The following MYO1D variants were observed in gnomAD, a reference collection of about 807,000 sequenced individuals.
MYO1D encodes unconventional myosin-Id.
Under a neutral mutation model 122.0 loss-of-function variants are expected in MYO1D, and 83 were observed. The ratio of observed to expected loss-of-function variants is 0.68; its 90% confidence interval spans 0.57 to 0.82. The LOEUF is 0.82. MYO1D is among the 40% of genes least tolerant of loss of function. The pLI is 0.00. For synonymous variants in MYO1D, 464 were observed against 446.9 expected, an observed-to-expected ratio of 1.04 and a Z score of -0.48; for missense variants, 1,157 against 1,269.5, an observed-to-expected ratio of 0.91 and a Z score of 1.35.
At chr17:32,869,982 AACC>A (rs2091165005) in intron 1 of MYO1D, among the ~76,000 whole-genome samples, 1 of 152,142 alleles carries the variant, frequency 6.6e-6, no homozygotes, top group Non-Finnish European at 1.5e-5. Context: ...CAATGAAATG[AACC>A]AGTAGCAACT....
chr17:32,702,754 T>C lies in MYO1D; in HGVS notation c.2121+9234A>G, dbSNP rs915074185. On this transcript the variant is annotated intron_variant, in intron 16 of 21. Transcript: ENST00000318217. Reference sequence around the variant, plus strand: ...ATTATTTCCTATAAAGACATGTCTGTAGTTTCACACAACTACAATGGAAGA... The same window carrying C: ...ATTATTTCCTATAAAGACATGTCTGCAGTTTCACACAACTACAATGGAAGA... Among the ~76,000 whole-genome samples, 5 of 152,238 alleles carry C rather than the reference T, an allele frequency of 3.3e-5. No homozygotes were observed. The South Asian group carries it at 8.3e-4, about 25-fold the overall frequency.
intron 19 of MYO1D, among the ~76,000 whole-genome samples, chr17:32,644,311 G>T (rs2088252261): frequency 6.6e-6 from 1 of 152,166 alleles, no homozygotes; most frequent in Non-Finnish European, 1.5e-5. Flanking sequence ...TTTTACATTT[G>T]TTGAGGAGTG....
At chr17:32,557,293 T>A (rs1046532211) in intron 21 of MYO1D, among the ~76,000 whole-genome samples, 1 of 151,912 alleles carries the variant, frequency 6.6e-6, no homozygotes, top group African/African-American at 2.4e-5. Context: ...TAATTTTTTT[T>A]ATTTTTAGTA....
At chr17:32,848,582 G>C (rs1310033037) in intron 1 of MYO1D, among the ~76,000 whole-genome samples, 1 of 152,228 alleles carries the variant, frequency 6.6e-6, no homozygotes, top group African/African-American at 2.4e-5. Context: ...GTATGTTACA[G>C]AGGCCATTAG....
At chr17:32,657,201 T>A (rs189895770) in intron 17 of MYO1D, among the ~76,000 whole-genome samples, 1 of 152,192 alleles carries the variant, frequency 6.6e-6, no homozygotes, top group Non-Finnish European at 1.5e-5. Flanking sequence ...AACTGAAACA[T>A]GATTAGATGC....
chr17:32,541,223 A>G (rs1454771773), intron 21 of MYO1D, among the ~76,000 whole-genome samples: 1 of 152,252 alleles, frequency 6.6e-6, no homozygotes, highest in Non-Finnish European at 1.5e-5. Context: ...AATGTGGTCT[A>G]TCTATACAGT....
At chr17:32,720,121 A>G (rs2089493421) in intron 15 of MYO1D, among the ~76,000 whole-genome samples, 1 of 151,752 alleles carries the variant, frequency 6.6e-6, no homozygotes, top group Non-Finnish European at 1.5e-5. Flanking sequence ...TTTTGGGGGG[A>G]AAACTATAGT....
chr17:32,530,936 A>C (rs1007760915), intron 21 of MYO1D, among the ~76,000 whole-genome samples: 1 of 151,954 alleles, frequency 6.6e-6, no homozygotes, highest in Non-Finnish European at 1.5e-5. Flanking sequence ...ACTGCAACTC[A>C]CCATTGAGTA....
At chr17:32,850,911 A>G (rs575856663) in intron 1 of MYO1D, among the ~76,000 whole-genome samples, 32 of 143,538 alleles carry the variant, frequency 2.2e-4, no homozygotes, top group African/African-American at 7.4e-4. Context: ...ATTTTAGTTA[A>G]GAATACTTAT....
chr17:32,583,402 G>A (rs1254415935), intron 21 of MYO1D, among the ~76,000 whole-genome samples: 3 of 151,892 alleles, frequency 2.0e-5, no homozygotes, highest in African/African-American at 7.3e-5. Flanking sequence ...TGGATCTAAG[G>A]GTTTATATAG....
At chr17:32,608,376 G>A (rs1256811485) in intron 20 of MYO1D, among the ~76,000 whole-genome samples, 1 of 152,198 alleles carries the variant, frequency 6.6e-6, no homozygotes, top group Non-Finnish European at 1.5e-5. Flanking sequence ...ATGAAAGGGT[G>A]CTCAACATCA....
At chr17:32,606,969 G>A (rs1377127178) in intron 20 of MYO1D, among the ~76,000 whole-genome samples, 1 of 152,168 alleles carries the variant, frequency 6.6e-6, no homozygotes, top group Non-Finnish European at 1.5e-5. Context: ...AGACCAGCCT[G>A]ACCAATATGG....
chr17:32,548,370 A>T (rs2086982544), intron 21 of MYO1D, among the ~76,000 whole-genome samples: 1 of 150,878 alleles, frequency 6.6e-6, no homozygotes, highest in Non-Finnish European at 1.5e-5. Context: ...GGAGGTTGCA[A>T]TGAGCCAAGA....
intron 21 of MYO1D, among the ~76,000 whole-genome samples, chr17:32,515,738 T>TAGCA (rs1364102611): frequency 1.3e-5 from 2 of 152,206 alleles, no homozygotes; most frequent in African/African-American, 2.4e-5. Flanking sequence ...TTTGATTAAG[T>TAGCA]AGCAGGTGGT....
intron 14 of MYO1D, among the ~76,000 whole-genome samples, chr17:32,725,745 G>A (rs975251407): frequency 6.6e-6 from 1 of 151,942 alleles, no homozygotes; most frequent in African/African-American, 2.4e-5. Flanking sequence ...TTAAAAAAAA[G>A]GGGAGCTACA....
At position 32,494,660 on chromosome 17, in the gene MYO1D, G is replaced by A. The variant is rs1190257224; in HGVS notation, c.*99C>T. On this transcript the variant is annotated 3_prime_UTR_variant, in exon 22 of 22. Transcript: ENST00000318217. ...CGGGGCTCCTCTGGGAGGGGCCCTC[G>A]CAGCAGGTTTCTAGCGGGCATGGGT... 3.7e-6 allele frequency: 5 copies of A among 1,369,758 alleles called. No homozygotes were observed. The highest frequency in any genetic ancestry group is 2.6e-5 in the Admixed American group (1 of 38,264). The allele number at this position is 1,369,758 out of a possible 1,614,324, so 84.9% of individuals were successfully genotyped here.
At chr17:32,790,846 C>G (rs1015428226) in intron 1 of MYO1D, among the ~76,000 whole-genome samples, 2 of 152,180 alleles carry the variant, frequency 1.3e-5, no homozygotes, top group Non-Finnish European at 2.9e-5. Context: ...CTTAGAGAAA[C>G]AGTAACACCA....
At chr17:32,757,223 T>C (rs974488464) in intron 10 of MYO1D, among the ~76,000 whole-genome samples, 9 of 152,184 alleles carry the variant, frequency 5.9e-5, no homozygotes, top group Non-Finnish European at 1.3e-4. Context: ...GACTGAAACC[T>C]GTAAACTGGG....
At chr17:32,645,691 G>A (rs948306104) in intron 19 of MYO1D, among the ~76,000 whole-genome samples, 3 of 151,816 alleles carry the variant, frequency 2.0e-5, no homozygotes, top group Non-Finnish European at 4.4e-5. Flanking sequence ...CCAGTTGATC[G>A]AATCAGTTAC....
Sources: allele counts gnomAD v4.1 joint callset (sites outside exome capture counted in the v4.1 genomes callset), GRCh38; gene constraint gnomAD v4.1.1; transcripts MANE v1.5; gene names NCBI Gene and HGNC (gene_info 2026-07-23, HGNC 2026-07-21).